Variants in SLC6A19 observed in about 807,000 individuals in gnomAD.
SLC6A19 encodes sodium-dependent neutral amino acid transporter B(0)AT1.
A neutral mutation model predicts 68.3 loss-of-function variants in SLC6A19; 67 were observed. That is an observed-to-expected ratio of 0.98 (90% CI 0.81 to 1.20). The LOEUF is 1.20. Ranked by LOEUF, SLC6A19 falls within the 50% of genes most tolerant of loss-of-function variation. The probability of loss-of-function intolerance (pLI) is 0.00; values close to 1 mark genes in which losing one functional copy is unlikely to be tolerated. For missense variants in SLC6A19, 813 were observed against 851.6 expected (o/e 0.95, Z 0.56); for synonymous variants, 392 against 374.9 (o/e 1.05, Z -0.53).
In SLC6A19 at chr5:1,215,056, G is replaced by A. The variant is rs1746170408; in HGVS notation, c.887+991G>A. ...GGACAGAAAGGACCCTGGAGTCATTGTGCGAGCACTGGGTGGAGCAGTGAA... is the reference window on the plus strand; with the variant it reads ...GGACAGAAAGGACCCTGGAGTCATTATGCGAGCACTGGGTGGAGCAGTGAA... On this transcript the variant is annotated intron_variant, in intron 6 of 11. Coordinates refer to ENST00000304460, the MANE Select transcript of SLC6A19 (RefSeq NM_001003841.3). The surrounding 1 kb of genome is among the most constrained non-coding windows in gnomAD (Gnocchi z 5.1). Among the ~76,000 whole-genome samples the A allele has an allele frequency of 6.6e-6, 1 of 152,006 alleles. No individual in the cohort carries two copies. The highest frequency in any genetic ancestry group is 2.1e-4 in the South Asian group (1 of 4,820).
At position 1,224,237 on chromosome 5, in the gene SLC6A19, C is replaced by T. The variant is rs754983110; in HGVS notation, c.*2333C>T. 2 of 152,304 alleles carry T rather than the reference C, an allele frequency of 1.3e-5. No homozygotes were observed. The highest frequency in any genetic ancestry group is 2.9e-5 in the Non-Finnish European group (2 of 68,070). The allele number at this position is 152,304 out of a possible 1,614,324, so 9.4% of individuals were successfully genotyped here. A position where few individuals can be genotyped will look rare whatever the true frequency, so the allele number is the denominator to read the frequency against. ...GTACCCTGGTGTGCCTGCCATAGGA[C>T]CCTGGGCGGGAGCTCCCATCTCATC... On this transcript the variant is annotated 3_prime_UTR_variant, in exon 12 of 12. Transcript: ENST00000304460.
chr5:1,209,592 CCT>C lies in SLC6A19; in HGVS notation c.343+713_343+714del, dbSNP rs1171906523. ...AAGACCTCCCTCCTCCCTCTCTCTTCCTCTCTCTGTCTCTCCCTCTCTCTTCC... is the reference window on the plus strand; with the variant it reads ...AAGACCTCCCTCCTCCCTCTCTCTTCCTCTCTGTCTCTCCCTCTCTCTTCC... On this transcript the variant is annotated intron_variant, in intron 2 of 11. Coordinates refer to ENST00000304460, the MANE Select transcript of SLC6A19 (RefSeq NM_001003841.3). The surrounding 1 kb of genome is among the most constrained non-coding windows in gnomAD (Gnocchi z 5.5). Among the ~76,000 whole-genome samples, 1 of 151,960 alleles carries C rather than the reference CCT, an allele frequency of 6.6e-6. No homozygotes were observed. The highest frequency in any genetic ancestry group is 1.5e-5 in the Non-Finnish European group (1 of 67,954).
intron 10 of SLC6A19, among the ~76,000 whole-genome samples, chr5:1,220,474 G>GCA (rs1446580031): frequency 6.6e-6 from 1 of 151,978 alleles, no homozygotes; most frequent in Non-Finnish European, 1.5e-5. Context: ...CATTGAGCAG[G>GCA]CACAGCCCTG....
Position 1,216,588 on chromosome 5 carries a change from G to A in SLC6A19, c.918G>A (p.Val306=). 1.9e-6 allele frequency: 3 copies of A among 1,614,168 alleles called. No individual in the cohort carries two copies. The highest frequency in any genetic ancestry group is 2.5e-6 in the Non-Finnish European group (3 of 1,180,046). The change falls in exon 7 of 12, where the codon GTG becomes GTA. Residue 306 remains valine, a synonymous_variant. Coordinates refer to ENST00000304460, the MANE Select transcript of SLC6A19 (RefSeq NM_001003841.3). The part of the protein sequence containing the change: ...HNNCEKDSVI[V]SIINGFTSVY... ...ACTGCGAGAAGGACTCGGTGATTGT[G>A]TCCATCATCAACGGCTTCACATCGG...
Position 1,208,743 on chromosome 5 carries a change from C to G in SLC6A19, c.203-3C>G, listed in dbSNP as rs1435096189. ...CAGGCATGGTGGACTCCTCCCATTG[C>G]AGGAGCCTTCATGATCCCGTTCCTC... On this transcript the variant is annotated splice_region_variant and splice_polypyrimidine_tract_variant and intron_variant, in intron 1 of 11. Coordinates refer to ENST00000304460, the MANE Select transcript of SLC6A19 (RefSeq NM_001003841.3). 6.2e-7 allele frequency: 1 copy of G among 1,613,360 alleles called. No homozygotes were observed. Among genetic ancestry groups the G allele is most frequent in the Non-Finnish European group, 8.5e-7 (1 of 1,180,012 alleles).
At chr5:1,202,550 C>A (rs531637278) in intron 1 of SLC6A19, among the ~76,000 whole-genome samples, 9 of 152,300 alleles carry the variant, frequency 5.9e-5, no homozygotes, top group Non-Finnish European at 1.2e-4. Context: ...GTACCTAGGA[C>A]CCCCACACTT....
intron 9 of SLC6A19, 82 bp from the exon 10 acceptor site, chr5:1,219,423 C>T (rs1746301362): frequency 6.4e-7 from 1 of 1,573,364 alleles, no homozygotes; most frequent in Admixed American, 1.7e-5. Flanking sequence ...ATATGTGCAG[C>T]CCCCAGTTGT....
At position 1,221,824 on chromosome 5, in the gene SLC6A19, C is replaced by T; in HGVS notation, c.1825C>T (p.His609Tyr). 6.2e-7 allele frequency: 1 copy of T among 1,614,212 alleles called. No homozygotes were observed. The change falls in exon 12 of 12, where the codon CAC (histidine) becomes TAC (tyrosine). Residue 609 changes from histidine to tyrosine, a missense_variant. Transcript: ENST00000304460. ...GYAIYKLIRN[H>Y]CQKPGDHQGL... Reference sequence around the variant, plus strand: ...TGCCATCTACAAGCTCATCAGGAACCACTGCCAGAAGCCAGGGGACCATCA... The same window carrying T: ...TGCCATCTACAAGCTCATCAGGAACTACTGCCAGAAGCCAGGGGACCATCA...
Position 1,222,041 on chromosome 5 carries a change from C to T in SLC6A19, c.*137C>T. On this transcript the variant is annotated 3_prime_UTR_variant, in exon 12 of 12. Coordinates refer to ENST00000304460, the MANE Select transcript of SLC6A19 (RefSeq NM_001003841.3). The stretch of plus-strand genomic sequence containing the variant: ...CTCGTGTGTGAGTGTGTGTATTGTA[C>T]ACGCATGTGCCATGTGTGCAGATAT... 2.1e-6 allele frequency: 2 copies of T among 946,202 alleles called. No homozygotes were observed. Among genetic ancestry groups the T allele is most frequent in the Non-Finnish European group, 3.2e-6 (2 of 623,796 alleles). 58.6% of individuals were successfully genotyped at this position (946,202 alleles called of 1,614,324 possible).
rs1746169909 is a variant in SLC6A19 at position 1,215,039 on chromosome 5, A to G, written c.887+974A>G. On this transcript the variant is annotated intron_variant, in intron 6 of 11. Transcript: ENST00000304460. The surrounding 1 kb of genome is among the most constrained non-coding windows in gnomAD (Gnocchi z 5.1). ...CAGAGAGGGTGTTGGAGGGACAGAAAGGACCCTGGAGTCATTGTGCGAGCA... is the reference window on the plus strand; with the variant it reads ...CAGAGAGGGTGTTGGAGGGACAGAAGGGACCCTGGAGTCATTGTGCGAGCA... Among the ~76,000 whole-genome samples, 1 of 151,890 alleles carries G rather than the reference A, an allele frequency of 6.6e-6. No homozygotes were observed. Among genetic ancestry groups the G allele is most frequent in the Admixed American group, 6.6e-5 (1 of 15,258 alleles).
intron 1 of SLC6A19, among the ~76,000 whole-genome samples, chr5:1,207,346 G>A (rs951254073): frequency 1.3e-5 from 2 of 152,210 alleles, no homozygotes; most frequent in South Asian, 2.1e-4. Context: ...CTGGGAGGCC[G>A]TACGTCCACC....
intron 2 of SLC6A19, 118 bp from the exon 3 acceptor site, chr5:1,210,326 G>C (rs1442033376): frequency 4.3e-5 from 63 of 1,455,498 alleles, no homozygotes; most frequent in Admixed American, 1.3e-4. Context: ...TCAGATTCTG[G>C]AGTAGCCCAT....
chr5:1,216,478 C>T (rs1216196402), intron 6 of SLC6A19, 80 bp from the exon 7 acceptor site: 20 of 1,601,182 alleles, frequency 1.2e-5, no homozygotes, highest in South Asian at 1.0e-4. Context: ...GCGCTCTGGG[C>T]GGGATGCGGA....
chr5:1,212,251 T>C lies in SLC6A19; in HGVS notation c.482-52T>C. ...TCTTCCAGCTCAGGGCCTTCCATTC[T>C]CCTCCCTTGGGGGACCCGTACCCTG... is the stretch of plus-strand genomic sequence containing the variant. On this transcript the variant is annotated intron_variant, in intron 3 of 11. Coordinates refer to ENST00000304460, the MANE Select transcript of SLC6A19 (RefSeq NM_001003841.3). This position sits in a 1 kb window ranked among gnomAD's most constrained non-coding sequence, Gnocchi z 5.1. 6.2e-7 allele frequency: 1 copy of C among 1,607,966 alleles called. No individual in the cohort carries two copies. The highest frequency in any genetic ancestry group is 8.5e-7 in the Non-Finnish European group (1 of 1,178,904).
chr5:1,202,761 T>C (rs879899928), intron 1 of SLC6A19, among the ~76,000 whole-genome samples: 9 of 152,216 alleles, frequency 5.9e-5, no homozygotes, highest in Non-Finnish European at 1.2e-4. Context: ...CTTCTCACCA[T>C]GGAGAGCTGC....
chr5:1,215,060 G>C lies in SLC6A19; in HGVS notation c.887+995G>C, dbSNP rs543897821. Among the ~76,000 whole-genome samples, 4 of 151,980 alleles carry C rather than the reference G, an allele frequency of 2.6e-5. No homozygotes were observed. Among genetic ancestry groups the C allele is most frequent in the Non-Finnish European group, 5.9e-5 (4 of 67,958 alleles). ...AGAAAGGACCCTGGAGTCATTGTGCGAGCACTGGGTGGAGCAGTGAAGCCC... is the reference window on the plus strand; with the variant it reads ...AGAAAGGACCCTGGAGTCATTGTGCCAGCACTGGGTGGAGCAGTGAAGCCC... On this transcript the variant is annotated intron_variant, in intron 6 of 11. Transcript: ENST00000304460. The surrounding 1 kb of genome is among the most constrained non-coding windows in gnomAD (Gnocchi z 5.1).
Position 1,218,884 on chromosome 5 carries a change from CTG to C in SLC6A19, c.1174-13_1174-12del, listed in dbSNP as rs770077989. 2.5e-6 allele frequency: 4 copies of C among 1,610,368 alleles called. No individual in the cohort carries two copies. Among genetic ancestry groups the C allele is most frequent in the African/African-American group, 1.3e-5 (1 of 75,012 alleles). The stretch of plus-strand genomic sequence containing the variant: ...CCACGGAGGGCAGAGGCCCTGGTGA[CTG>C]TGTGTCATCCGTGCAGGCCGTGGAG... On this transcript the variant is annotated splice_polypyrimidine_tract_variant and intron_variant, in intron 8 of 11. Coordinates refer to ENST00000304460, the MANE Select transcript of SLC6A19 (RefSeq NM_001003841.3).
At chr5:1,204,969 C>T (rs1247022209) in intron 1 of SLC6A19, among the ~76,000 whole-genome samples, 5 of 152,258 alleles carry the variant, frequency 3.3e-5, no homozygotes, top group Non-Finnish European at 7.3e-5. Context: ...TCCTCCCCCT[C>T]TCTCCTGGTT....
chr5:1,202,233 C>A (rs1185604803), intron 1 of SLC6A19, among the ~76,000 whole-genome samples: 1 of 152,200 alleles, frequency 6.6e-6, no homozygotes, highest in Non-Finnish European at 1.5e-5. Flanking sequence ...TCGTCCCAGC[C>A]CCACAGGCGG....
Sources: gnomAD v4.1 joint callset for allele counts (sites outside exome capture counted in the v4.1 genomes callset) on GRCh38, gnomAD v4.1.1 for gene constraint, Gnocchi (gnomAD v3.1) non-coding constraint, MANE v1.5 for transcripts, NCBI Gene and HGNC (gene_info 2026-07-23, HGNC 2026-07-21) for gene names.